Variants in MCOLN1 observed in about 807,000 individuals in gnomAD.
MCOLN1 encodes the protein mucolipin TRP cation channel 1.
MCOLN1 carries 50 observed loss-of-function variants against 70.3 expected under a neutral mutation model. The ratio of observed to expected loss-of-function variants is 0.71; its 90% CI spans 0.57 to 0.90. MCOLN1 has a LOEUF of 0.90. Among genes scored for constraint, MCOLN1 ranks in the 40% least tolerant of loss-of-function variants. The pLI is 0.00. For missense variants in MCOLN1, 598 were observed against 803.5 expected, an observed-to-expected ratio of 0.74 and a Z score of 3.09; for synonymous variants, 366 against 341.0, an observed-to-expected ratio of 1.07 and a Z score of -0.81.
intron 12 of MCOLN1, 153 bp from the exon 13 acceptor site, chr19:7,533,370 C>G: frequency 1.0e-6 from 1 of 998,336 alleles, no homozygotes; most frequent in South Asian, 1.6e-5. Flanking sequence ...TCTGTGCAAG[C>G]AAACTGTGGA....
At position 7,528,983 on chromosome 19, in the gene MCOLN1, A is replaced by G; in HGVS notation, c.1134+13A>G. On this transcript the variant is annotated intron_variant, in intron 9 of 13. Coordinates refer to ENST00000264079, the MANE Select transcript of MCOLN1 (RefSeq NM_020533.3). The surrounding 1 kb of genome is among the most constrained non-coding windows in gnomAD (Gnocchi z 4.2). ...CATCGAGGCCAAGGTGCGTCCTGCCAACACCCTGGGCCCCAGGTCCCATCC... is the reference window on the plus strand; with the variant it reads ...CATCGAGGCCAAGGTGCGTCCTGCCGACACCCTGGGCCCCAGGTCCCATCC... 1 of 1,614,034 alleles carries G rather than the reference A, an allele frequency of 6.2e-7. No homozygotes were observed. The highest frequency in any genetic ancestry group is 1.1e-5 in the South Asian group (1 of 91,080).
intron 4 of MCOLN1, chr19:7,527,146 C>T: frequency 1.6e-6 from 1 of 640,450 alleles, no homozygotes; most frequent in Non-Finnish European, 2.8e-6. Flanking sequence ...GTGGCGTGCC[C>T]CTGTGGTCCC....
chr19:7,530,579 G>T (rs554096085), intron 12 of MCOLN1, 78 bp downstream of exon 12: 19 of 1,302,354 alleles, frequency 1.5e-5, no homozygotes, highest in Non-Finnish European at 2.0e-5. Flanking sequence ...TGGGGACACC[G>T]CAGGGTGAAC....
In MCOLN1 at chr19:7,533,662, C is replaced by T. The variant is rs1408888969; in HGVS notation, c.1706+9C>T. On this transcript the variant is annotated intron_variant, in intron 13 of 13. Transcript: ENST00000264079. ...CTCTGCTGCTGCGGAAGGTTCGAGTCCCGGGTCTGGCACATTCAGATTGGA... is the reference window on the plus strand; with the variant it reads ...CTCTGCTGCTGCGGAAGGTTCGAGTTCCGGGTCTGGCACATTCAGATTGGA... 1 of 1,613,936 alleles carries T rather than the reference C, an allele frequency of 6.2e-7. No individual in the cohort carries two copies. Among genetic ancestry groups the T allele is most frequent in the Non-Finnish European group, 8.5e-7 (1 of 1,180,010 alleles).
At chr19:7,530,575 C>G (rs1027165156) in intron 12 of MCOLN1, 74 bp downstream of exon 12, 1 of 1,323,444 alleles carries the variant, frequency 7.6e-7, no homozygotes, top group Non-Finnish European at 1.1e-6. Context: ...GTCTTGGGGA[C>G]ACCGCAGGGT....
chr19:7,528,746 G>C lies in MCOLN1; in HGVS notation c.984+43G>C. ...TGTGTGCTGGTGTCCTCCCCGCCTG[G>C]CCCTGGGGCGATAAAAGCCAGGGCT... On this transcript the variant is annotated intron_variant, in intron 8 of 13. Transcript: ENST00000264079. This position sits in a 1 kb window ranked among gnomAD's most constrained non-coding sequence, Gnocchi z 4.2. 1 of 1,614,164 alleles carries C rather than the reference G, an allele frequency of 6.2e-7. No homozygotes were observed. The highest frequency in any genetic ancestry group is 8.5e-7 in the Non-Finnish European group (1 of 1,180,016).
At position 7,524,253 on chromosome 19, in the gene MCOLN1, T is replaced by G. The variant is rs1332332103; in HGVS notation, c.32-708T>G. On this transcript the variant is annotated intron_variant, in intron 1 of 13. Coordinates refer to ENST00000264079, the MANE Select transcript of MCOLN1 (RefSeq NM_020533.3). This position sits in a 1 kb window ranked among gnomAD's most constrained non-coding sequence, Gnocchi z 4.1. ...AAGTGGCAGGTCTGGGATTTGATGC[T>G]AGGGCTGCATGATTTCTAGGAGCTG... 6.6e-6 allele frequency among the ~76,000 whole-genome samples: 1 copy of G among 152,198 alleles called. No individual in the cohort carries two copies.
In MCOLN1 at chr19:7,525,268, G is replaced by A. The variant is rs1236121783; in HGVS notation, c.237+102G>A. On this transcript the variant is annotated intron_variant, in intron 2 of 13. Coordinates refer to ENST00000264079, the MANE Select transcript of MCOLN1 (RefSeq NM_020533.3). The surrounding 1 kb of genome is among the most constrained non-coding windows in gnomAD (Gnocchi z 4.2). ...GCACTTTGGAAGGCCGAGGCCGGTG[G>A]ATCGCTTGAGGCTGGGAGTTCAAGA... The A allele has an allele frequency of 4.7e-6, 5 of 1,058,590 alleles. No individual in the cohort carries two copies. The highest frequency in any genetic ancestry group is 7.1e-6 in the Non-Finnish European group (5 of 701,584). 65.6% of individuals were successfully genotyped at this position (1,058,590 alleles called of 1,614,324 possible).
chr19:7,530,652 T>C, intron 12 of MCOLN1, 151 bp downstream of exon 12: 1 of 825,980 alleles, frequency 1.2e-6, no homozygotes, highest in Non-Finnish European at 2.0e-6. Flanking sequence ...GGTTCAGAAC[T>C]GGGGGGCGCA....
intron 11 of MCOLN1, 94 bp downstream of exon 11, chr19:7,529,806 C>T (rs961411158): frequency 1.2e-4 from 170 of 1,449,216 alleles, no homozygotes; most frequent in Non-Finnish European, 1.5e-4. Context: ...TGCTGGGAGT[C>T]TGTCCACTGT....
At chr19:7,527,426 G>T in intron 4 of MCOLN1, 94 bp from the exon 5 acceptor site, 1 of 770,506 alleles carries the variant, frequency 1.3e-6, no homozygotes. Flanking sequence ...CCCAACCCTG[G>T]GGAAGCACAG....
At chr19:7,527,458 CTGGGGAG>C in intron 4 of MCOLN1, 55 bp from the exon 5 acceptor site, 1 of 797,988 alleles carries the variant, frequency 1.3e-6, no homozygotes, top group South Asian at 1.3e-5. Flanking sequence ...ACTGGGGACT[CTGGGGAG>C]ACCAGCCTGG....
Position 7,528,282 on chromosome 19 carries a change from C to T in MCOLN1, c.877+25C>T, listed in dbSNP as rs2022601770. On this transcript the variant is annotated intron_variant, in intron 7 of 13. Transcript: ENST00000264079. This position sits in a 1 kb window ranked among gnomAD's most constrained non-coding sequence, Gnocchi z 4.2. ...GGTGAGCCCCTGAGCCCCAGACCAG[C>T]ACTGACCAGGGGCCCTGGCCTGTCC... 6 of 1,602,152 alleles carry T rather than the reference C, an allele frequency of 3.7e-6. No individual in the cohort carries two copies. Among genetic ancestry groups the T allele is most frequent in the South Asian group, 1.1e-5 (1 of 90,836 alleles).
intron 1 of MCOLN1, among the ~76,000 whole-genome samples, chr19:7,523,539 C>G (rs1478108819): frequency 6.6e-6 from 1 of 152,224 alleles, no homozygotes; most frequent in African/African-American, 2.4e-5. Context: ...TCCCTCTCTG[C>G]AAGGGAGGTT....
intron 1 of MCOLN1, among the ~76,000 whole-genome samples, chr19:7,523,275 C>A (rs1437668889): frequency 6.6e-6 from 1 of 152,238 alleles, no homozygotes; most frequent in Non-Finnish European, 1.5e-5. Flanking sequence ...GGAAGCGCAG[C>A]CTTCTTAAAT....
intron 12 of MCOLN1, among the ~76,000 whole-genome samples, chr19:7,530,952 G>C (rs1599256442): frequency 1.3e-5 from 2 of 152,178 alleles, no homozygotes; most frequent in Admixed American, 6.5e-5. Context: ...CATTGGTCAG[G>C]CTGGTCTCAA....
rs779390455 is a variant in MCOLN1 at position 7,529,607 on chromosome 19, G to T, written c.1254G>T (p.Leu418=). 1.9e-6 allele frequency: 3 copies of T among 1,603,398 alleles called. No homozygotes were observed. The Admixed American group carries it at 5.0e-5, about 27-fold the overall frequency. ...CAACCCAGATCCTCATCGCCACACT[G>T]CGGGTGGCCCTGCCCAGCGTCATGC... ...FHNYNILIAT[L]RVALPSVMRF... Residue 418 remains leucine, a synonymous_variant, in exon 11 of 14, where the codon CTG becomes CTT. Transcript: ENST00000264079.
intron 12 of MCOLN1, among the ~76,000 whole-genome samples, chr19:7,532,483 T>TG (rs957623331): frequency 2.2e-4 from 32 of 142,970 alleles, no homozygotes; most frequent in Non-Finnish European, 4.6e-4. Context: ...CGAGGGGGGG[T>TG]GGGGGTGGAT....
rs746629838 is a variant in MCOLN1 at position 7,525,007 on chromosome 19, G to C, written c.78G>C (p.Ala26=). The change falls in exon 2 of 14, where the codon GCG becomes GCC. Residue 26 remains alanine (A), a synonymous_variant. Coordinates refer to ENST00000264079, the MANE Select transcript of MCOLN1 (RefSeq NM_020533.3). The surrounding 1 kb of genome is among the most constrained non-coding windows in gnomAD (Gnocchi z 4.2). ...CCAACCCCGGGTATGGGACCCAGGC[G>C]GGGCCTTCACCGGCCCCTCCGACAC... ...LTPNPGYGTQ[A]GPSPAPPTPP... 6.2e-7 allele frequency: 1 copy of C among 1,613,824 alleles called. No individual in the cohort carries two copies. The highest frequency in any genetic ancestry group is 8.5e-7 in the Non-Finnish European group (1 of 1,179,970).
Sources: gnomAD v4.1 joint callset for allele counts (sites outside exome capture counted in the v4.1 genomes callset) on GRCh38, gnomAD v4.1.1 for gene constraint, Gnocchi (gnomAD v3.1) non-coding constraint, MANE v1.5 for transcripts, NCBI Gene and HGNC (gene_info 2026-07-23, HGNC 2026-07-21) for gene names.